Variants in DCTN5 observed in about 807,000 individuals in gnomAD.
DCTN5 encodes dynactin subunit 5.
Under a neutral mutation model 23.5 loss-of-function variants are expected in DCTN5, and 14 were observed. That is an observed-to-expected ratio of 0.60 (90% CI 0.39 to 0.93). The LOEUF is 0.93. DCTN5 is among the 40% of genes least tolerant of loss of function. The pLI is 0.00. For synonymous variants in DCTN5, 67 were observed against 79.6 expected (o/e 0.84, Z 0.84); for missense variants, 156 against 225.9 (o/e 0.69, Z 1.98).
chr16:23,650,901 A>G, intron 2 of DCTN5: 1 of 1,396,172 alleles, frequency 7.2e-7, no homozygotes, highest in Non-Finnish European at 9.8e-7. Flanking sequence ...TGACCAATCT[A>G]AGCCCAAGCT....
intron 1 of DCTN5, 112 bp downstream of exon 1, chr16:23,641,702 A>T: frequency 8.8e-7 from 1 of 1,131,076 alleles, no homozygotes; most frequent in Non-Finnish European, 1.3e-6. Context: ...TTTGGCCATT[A>T]GTCCCGGATT....
At chr16:23,643,779 A>G (rs1195799515) in intron 2 of DCTN5, among the ~76,000 whole-genome samples, 2 of 152,118 alleles carry the variant, frequency 1.3e-5, no homozygotes, top group South Asian at 2.1e-4. Flanking sequence ...GTATGAGACA[A>G]ATATGCAAAG....
intron 2 of DCTN5, among the ~76,000 whole-genome samples, chr16:23,653,920 C>A (rs182251988): frequency 7.2e-5 from 11 of 152,028 alleles, no homozygotes. Context: ...AGAAGAAATA[C>A]AATAATCATG....
chr16:23,649,837 CAAAA>C (rs1175500177), intron 2 of DCTN5, among the ~76,000 whole-genome samples: 5 of 55,958 alleles, frequency 8.9e-5, no homozygotes, highest in African/African-American at 1.7e-4. Context: ...GACTCTGTCT[CAAAA>C]AAAAAAAAAA....
chr16:23,658,077 G>A (rs990271670), intron 2 of DCTN5, among the ~76,000 whole-genome samples: 2 of 152,180 alleles, frequency 1.3e-5, no homozygotes, highest in African/African-American at 4.8e-5. Flanking sequence ...ACTCCAGTGG[G>A]TCCACCTCTT....
At chr16:23,649,337 G>A (rs1456703021) in intron 2 of DCTN5, among the ~76,000 whole-genome samples, 1 of 152,184 alleles carries the variant, frequency 6.6e-6, no homozygotes, top group South Asian at 2.1e-4. Context: ...ATAGTTTGAA[G>A]ATATGTTCTG....
chr16:23,658,509 C>T lies in DCTN5; in HGVS notation c.120C>T (p.Thr40=). The change falls in exon 3 of 6, where the codon ACC becomes ACT. Residue 40 remains threonine, a splice_region_variant and synonymous_variant. Transcript: ENST00000300087. Reference sequence around the variant, plus strand: ...TTAAAATTTGCTTCGTCTTACAGACCATTGTGATGAATGACTGTATTATCC... The same window carrying T: ...TTAAAATTTGCTTCGTCTTACAGACTATTGTGATGAATGACTGTATTATCC... ...GSQNIVLNGK[T]IVMNDCIIRG... is the part of the protein sequence containing the mutation. 6.2e-7 allele frequency: 1 copy of T among 1,611,304 alleles called. No homozygotes were observed. Among genetic ancestry groups the T allele is most frequent in the Non-Finnish European group, 8.5e-7 (1 of 1,177,562 alleles).
At chr16:23,661,706 A>C (rs1190326924) in intron 4 of DCTN5, among the ~76,000 whole-genome samples, 1 of 150,738 alleles carries the variant, frequency 6.6e-6, no homozygotes, top group Non-Finnish European at 1.5e-5. Flanking sequence ...CAACAAAACG[A>C]GACACTGTCT....
chr16:23,645,123 ATATATATATATATATT>A lies in DCTN5; in HGVS notation c.117+2102_117+2117del, dbSNP rs1253835675. On this transcript the variant is annotated intron_variant, in intron 2 of 5. Coordinates refer to ENST00000300087, the MANE Select transcript of DCTN5 (RefSeq NM_032486.4). ...TATATATATATATATATATATATATATATATATATATATATTTTTTTTTTTTTTAATACGCAGTTTT... is the reference window on the plus strand; with the variant it reads ...TATATATATATATATATATATATATATTTTTTTTTTTTAATACGCAGTTTT... Among the ~76,000 whole-genome samples the A allele has an allele frequency of 8.3e-3, 265 of 32,098 alleles. 13 individuals carry two copies. The highest frequency in any genetic ancestry group is 0.037 in the African/African-American group (242 of 6,460). The allele number at this position is 32,098 out of a possible 152,430, so 21.1% of individuals were successfully genotyped here. A position where few individuals can be genotyped will look rare whatever the true frequency, so the allele number is the denominator to read the frequency against.
intron 2 of DCTN5, among the ~76,000 whole-genome samples, chr16:23,656,848 G>A (rs556237055): frequency 1.6e-4 from 24 of 151,906 alleles, no homozygotes; most frequent in Non-Finnish European, 2.2e-4. Flanking sequence ...AAAATGAGCC[G>A]GGCATGGTGG....
At chr16:23,653,165 T>C (rs1422643362) in intron 2 of DCTN5, among the ~76,000 whole-genome samples, 1 of 152,018 alleles carries the variant, frequency 6.6e-6, no homozygotes, top group African/African-American at 2.4e-5. Context: ...AAATAAAAAA[T>C]CAGTGTAATT....
At position 23,668,999 on chromosome 16, in the gene DCTN5, TAGG is replaced by T. The variant is rs1567235066; in HGVS notation, c.*1858_*1860del. Reference sequence around the variant, plus strand: ...CAAAAACAATAGCTACTACAAACAATAGGAGTTTATAATTATGTGCTGATGTAT... The same window carrying T: ...CAAAAACAATAGCTACTACAAACAATAGTTTATAATTATGTGCTGATGTAT... On this transcript the variant is annotated 3_prime_UTR_variant, in exon 6 of 6. Transcript: ENST00000300087. 1 of 152,604 alleles carries T rather than the reference TAGG, an allele frequency of 6.6e-6. No homozygotes were observed. Among genetic ancestry groups the T allele is most frequent in the Non-Finnish European group, 1.5e-5 (1 of 68,036 alleles). 9.5% of individuals were successfully genotyped at this position (152,604 alleles called of 1,614,324 possible).
intron 2 of DCTN5, among the ~76,000 whole-genome samples, chr16:23,653,142 C>T (rs1967635858): frequency 6.6e-6 from 1 of 151,842 alleles, no homozygotes; most frequent in Admixed American, 6.6e-5. Context: ...ACCCTGTCCC[C>T]CAAAAAATGA....
At position 23,669,592 on chromosome 16, in the gene DCTN5, G is replaced by A. The variant is rs1229421804; in HGVS notation, c.*2448G>A. The A allele has an allele frequency of 6.5e-6, 1 of 152,922 alleles. No individual in the cohort carries two copies. Among genetic ancestry groups the A allele is most frequent in the African/African-American group, 2.4e-5 (1 of 41,432 alleles). 9.5% of individuals were successfully genotyped at this position (152,922 alleles called of 1,614,324 possible). Reference sequence around the variant, plus strand: ...GTTGGTGCTGGTGGTTGTGGTGGCAGATGATATTACCTGAAGAAGGGACGA... The same window carrying A: ...GTTGGTGCTGGTGGTTGTGGTGGCAAATGATATTACCTGAAGAAGGGACGA... On this transcript the variant is annotated 3_prime_UTR_variant, in exon 6 of 6. Coordinates refer to ENST00000300087, the MANE Select transcript of DCTN5 (RefSeq NM_032486.4).
chr16:23,665,785 C>A, intron 5 of DCTN5, 57 bp downstream of exon 5: 2 of 1,446,516 alleles, frequency 1.4e-6, no homozygotes, highest in Non-Finnish European at 1.9e-6. Flanking sequence ...GTTGTATTTT[C>A]CATCGCAAAA....
chr16:23,670,453 A>G lies in DCTN5; in HGVS notation c.*3309A>G, dbSNP rs1190717512. ...TGGAAGTTTCTCAGCTATAAGGAAG[A>G]GGTCTTGGTGGCTAGGGAGGCCTTT... is the stretch of plus-strand genomic sequence containing the variant. On this transcript the variant is annotated 3_prime_UTR_variant, in exon 6 of 6. Transcript: ENST00000300087. The G allele has an allele frequency of 6.6e-6, 1 of 152,178 alleles. No homozygotes were observed. The highest frequency in any genetic ancestry group is 1.5e-5 in the Non-Finnish European group (1 of 68,044). The allele number at this position is 152,178 out of a possible 1,614,324, so 9.4% of individuals were successfully genotyped here.
Position 23,672,417 on chromosome 16 carries a change from A to G in DCTN5, c.*5273A>G, listed in dbSNP as rs1968022861. 1 of 152,228 alleles carries G rather than the reference A, an allele frequency of 6.6e-6. No individual in the cohort carries two copies. The highest frequency in any genetic ancestry group is 1.5e-5 in the Non-Finnish European group (1 of 68,050). The allele number at this position is 152,228 out of a possible 1,614,324, so 9.4% of individuals were successfully genotyped here. A position where few individuals can be genotyped will look rare whatever the true frequency, so the allele number is the denominator to read the frequency against. Reference sequence around the variant, plus strand: ...GCACAGAGAGATTAAGTACTTTCCCAAGGTCATACAGCTAGTGATGGAGGA... The same window carrying G: ...GCACAGAGAGATTAAGTACTTTCCCGAGGTCATACAGCTAGTGATGGAGGA... On this transcript the variant is annotated 3_prime_UTR_variant, in exon 6 of 6. Transcript: ENST00000300087.
intron 2 of DCTN5, among the ~76,000 whole-genome samples, chr16:23,650,229 AT>A (rs1383866207): frequency 6.6e-6 from 1 of 152,142 alleles, no homozygotes; most frequent in Non-Finnish European, 1.5e-5. Context: ...TTTGTGAAGA[AT>A]CTCATTGTTA....
In DCTN5 at chr16:23,658,497, C is replaced by A; in HGVS notation, c.118-10C>A. 1.2e-6 allele frequency: 2 copies of A among 1,602,182 alleles called. No homozygotes were observed. Among genetic ancestry groups the A allele is most frequent in the Non-Finnish European group, 8.5e-7 (1 of 1,169,688 alleles). ...GTTGCTAATTTTTTAAAATTTGCTT[C>A]GTCTTACAGACCATTGTGATGAATG... On this transcript the variant is annotated splice_polypyrimidine_tract_variant and intron_variant, in intron 2 of 5. Transcript: ENST00000300087.
Sources: gnomAD v4.1 joint callset for allele counts (sites outside exome capture counted in the v4.1 genomes callset) on GRCh38, gnomAD v4.1.1 for gene constraint, MANE v1.5 for transcripts, NCBI Gene and HGNC (gene_info 2026-07-23, HGNC 2026-07-21) for gene names.